GSG1L: variants seen among roughly 807,000 people sequenced by gnomAD.
The protein encoded by GSG1L is GSG1 like.
A neutral mutation model predicts 42.1 loss-of-function variants in GSG1L; 24 were observed. That is an observed-to-expected ratio of 0.57 (90% CI 0.41 to 0.80). GSG1L has a LOEUF of 0.80. Among genes scored for constraint, GSG1L ranks in the 30% least tolerant of loss-of-function variants. GSG1L has a pLI of 0.00. For synonymous variants in GSG1L, 215 were observed against 203.5 expected, an observed-to-expected ratio of 1.06 and a Z score of -0.48; for missense variants, 445 against 472.2, an observed-to-expected ratio of 0.94 and a Z score of 0.53.
intron 4 of GSG1L, among the ~76,000 whole-genome samples, chr16:27,836,545 G>C (rs533532592): frequency 1.4e-4 from 21 of 151,968 alleles, no homozygotes; most frequent in Admixed American, 8.5e-4. Flanking sequence ...ATTTTTTTAA[G>C]TTTATTTTCT....
chr16:27,813,382 T>C (rs1597467412), intron 5 of GSG1L, among the ~76,000 whole-genome samples: 1 of 152,352 alleles, frequency 6.6e-6, no homozygotes, highest in East Asian at 1.9e-4. Flanking sequence ...GCTCCATCCA[T>C]GTTGCTGCAA....
At chr16:27,980,901 C>CAAAAAAAAAAAAAAAAAAA (rs11390148) in intron 1 of GSG1L, among the ~76,000 whole-genome samples, 1 of 127,048 alleles carries the variant, frequency 7.9e-6, no homozygotes, top group Non-Finnish European at 1.6e-5. Flanking sequence ...AACCAAAAAA[C>CAAAAAAAAAAAAAAAAAAA]AAAAAAAAAA....
At chr16:28,062,179 T>C (rs968881218) in intron 1 of GSG1L, among the ~76,000 whole-genome samples, 2 of 152,258 alleles carry the variant, frequency 1.3e-5, no homozygotes, top group Admixed American at 6.5e-5. Context: ...CTACCTGCTG[T>C]GTGGCACAAC....
At chr16:27,924,488 T>G (rs2084568449) in intron 2 of GSG1L, among the ~76,000 whole-genome samples, 1 of 151,870 alleles carries the variant, frequency 6.6e-6, no homozygotes. Context: ...GTGTGTTGAG[T>G]TTTTTTTGGC....
intron 4 of GSG1L, 96 bp from the exon 5 acceptor site, chr16:27,829,052 T>C (rs746177208): frequency 2.8e-4 from 341 of 1,203,688 alleles, no homozygotes; most frequent in Non-Finnish European, 3.7e-4. Context: ...CCTGCATGGC[T>C]GCCTTTTCCT....
chr16:27,971,225 G>T (rs959883327), intron 1 of GSG1L, among the ~76,000 whole-genome samples: 1 of 152,152 alleles, frequency 6.6e-6, no homozygotes. Context: ...TCTGTAATGG[G>T]ACCAATTTGG....
At chr16:27,881,762 C>A (rs934895719) in intron 3 of GSG1L, among the ~76,000 whole-genome samples, 2 of 152,148 alleles carry the variant, frequency 1.3e-5, no homozygotes, top group African/African-American at 2.4e-5. Context: ...GCACTCCAAG[C>A]TAGAAACCCT....
intron 4 of GSG1L, 55 bp downstream of exon 4, chr16:27,844,895 A>G: frequency 1.5e-6 from 1 of 651,196 alleles, no homozygotes. Context: ...CTGAAGTCCC[A>G]GCGTGCCTTG....
At chr16:28,039,771 CAGAT>C (rs751311473) in intron 1 of GSG1L, among the ~76,000 whole-genome samples, 7 of 152,012 alleles carry the variant, frequency 4.6e-5, no homozygotes, top group Non-Finnish European at 1.0e-4. Flanking sequence ...CATACACACA[CAGAT>C]AGATACACAT....
intron 4 of GSG1L, among the ~76,000 whole-genome samples, chr16:27,842,927 C>T (rs925282199): frequency 3.3e-5 from 5 of 151,746 alleles, no homozygotes; most frequent in South Asian, 4.2e-4. Context: ...CCTGGGGACC[C>T]GCCCCACCCA....
intron 1 of GSG1L, among the ~76,000 whole-genome samples, chr16:28,046,180 C>CA (rs1312982355): frequency 6.6e-6 from 1 of 151,834 alleles, no homozygotes; most frequent in Non-Finnish European, 1.5e-5. Flanking sequence ...CACCAGATGC[C>CA]AAAAAACATG....
intron 2 of GSG1L, among the ~76,000 whole-genome samples, chr16:27,942,230 A>G (rs1337981319): frequency 2.0e-5 from 3 of 151,776 alleles, no homozygotes; most frequent in Non-Finnish European, 4.4e-5. Context: ...GCTCACGGCA[A>G]CCTCTGCCTC....
In GSG1L at chr16:27,788,491, A is replaced by C. The variant is rs2082716069; in HGVS notation, c.*2879T>G. On this transcript the variant is annotated 3_prime_UTR_variant, in exon 7 of 7. Coordinates refer to ENST00000447459, the MANE Select transcript of GSG1L (RefSeq NM_001109763.2). ...TTCCAGTTCCTCCTGGCCTGGCTCC[A>C]CTGCCCTCTGATGCCTAATTTCCCA... The C allele has an allele frequency of 6.6e-6, 1 of 152,310 alleles. No homozygotes were observed. Among genetic ancestry groups the C allele is most frequent in the African/African-American group, 2.4e-5 (1 of 41,400 alleles). 9.4% of individuals were successfully genotyped at this position (152,310 alleles called of 1,614,324 possible). A position where few individuals can be genotyped will look rare whatever the true frequency, so the allele number is the denominator to read the frequency against.
chr16:27,806,632 T>C (rs2082965971), intron 6 of GSG1L, among the ~76,000 whole-genome samples: 1 of 152,192 alleles, frequency 6.6e-6, no homozygotes, highest in Non-Finnish European at 1.5e-5. Flanking sequence ...TCTAGCCTTC[T>C]ATGGCTGGAG....
chr16:27,830,154 C>A (rs1051326756), intron 4 of GSG1L, among the ~76,000 whole-genome samples: 1 of 152,172 alleles, frequency 6.6e-6, no homozygotes, highest in Non-Finnish European at 1.5e-5. Flanking sequence ...ATGCATTCAA[C>A]GTTTAGTACC....
intron 2 of GSG1L, among the ~76,000 whole-genome samples, chr16:27,906,217 C>T (rs145512038): frequency 1.2e-4 from 18 of 152,262 alleles, no homozygotes; most frequent in African/African-American, 2.2e-4. Flanking sequence ...ATTAATTCAA[C>T]CTCTCTCGTA....
chr16:27,808,830 C>T (rs933535754), intron 5 of GSG1L, among the ~76,000 whole-genome samples: 7 of 152,158 alleles, frequency 4.6e-5, no homozygotes, highest in African/African-American at 1.7e-4. Context: ...GGTCCCAGAG[C>T]GAGCAGCCTC....
At chr16:28,047,197 AC>A (rs1354715283) in intron 1 of GSG1L, among the ~76,000 whole-genome samples, 2 of 152,222 alleles carry the variant, frequency 1.3e-5, no homozygotes, top group African/African-American at 4.8e-5. Flanking sequence ...CGATTATGAC[AC>A]GTATGAATAA....
chr16:27,983,900 C>T (rs546136220), intron 1 of GSG1L, among the ~76,000 whole-genome samples: 55 of 152,046 alleles, frequency 3.6e-4, no homozygotes, highest in Non-Finnish European at 1.2e-4. Flanking sequence ...GTGAAATTGC[C>T]ATGATGAACA....
Sources: allele counts gnomAD v4.1 joint callset (sites outside exome capture counted in the v4.1 genomes callset), GRCh38; gene constraint gnomAD v4.1.1; transcripts MANE v1.5; gene names NCBI Gene and HGNC (gene_info 2026-07-23, HGNC 2026-07-21).